POU6F2: variants seen among roughly 807,000 people sequenced by gnomAD.
POU6F2 encodes POU domain, class 6, transcription factor 2.
Under a neutral mutation model 71.3 loss-of-function variants are expected in POU6F2, and 31 were observed. The ratio of observed to expected loss-of-function variants is 0.43; its 90% CI spans 0.33 to 0.59. POU6F2 has a LOEUF of 0.59. Among genes scored for constraint, POU6F2 ranks in the 20% least tolerant of loss-of-function variants. The pLI, the probability that POU6F2 is intolerant of heterozygous loss-of-function variation, is 0.04. For missense variants in POU6F2, 783 were observed against 856.8 expected (o/e 0.91, Z 1.07); for synonymous variants, 347 against 355.7 (o/e 0.98, Z 0.27).
intron 5 of POU6F2, among the ~76,000 whole-genome samples, chr7:39,340,571 C>T (rs762873194): frequency 6.6e-6 from 1 of 152,264 alleles, no homozygotes; most frequent in Non-Finnish European, 1.5e-5. Context: ...ACTCCACAGA[C>T]TAACAAGTAC....
intron 5 of POU6F2, among the ~76,000 whole-genome samples, chr7:39,370,989 C>T (rs963963950): frequency 6.6e-5 from 10 of 152,200 alleles, no homozygotes; most frequent in Admixed American, 5.9e-4. Context: ...TTCTGCTTCT[C>T]TGGAGAACCC....
chr7:39,039,185 C>T (rs1185948924), intron 1 of POU6F2, among the ~76,000 whole-genome samples: 6 of 151,882 alleles, frequency 4.0e-5, no homozygotes, highest in Middle Eastern at 3.2e-3. Flanking sequence ...CTGATTTTCT[C>T]GACATTTCTC....
chr7:39,383,588 A>G (rs1786873398), intron 5 of POU6F2, among the ~76,000 whole-genome samples: 1 of 152,216 alleles, frequency 6.6e-6, no homozygotes, highest in Non-Finnish European at 1.5e-5. Flanking sequence ...TATTAAAATC[A>G]GCACTGAGTT....
chr7:38,998,643 G>A (rs1013721333), intron 1 of POU6F2, among the ~76,000 whole-genome samples: 1 of 148,088 alleles, frequency 6.8e-6, no homozygotes, highest in South Asian at 2.1e-4. Flanking sequence ...GATATTCTTG[G>A]TGTTAATCAC....
chr7:39,169,086 T>C (rs1793167494), intron 2 of POU6F2, among the ~76,000 whole-genome samples: 1 of 152,234 alleles, frequency 6.6e-6, no homozygotes, highest in Non-Finnish European at 1.5e-5. Context: ...ATTTTGATAG[T>C]ATTCTATGAC....
intron 2 of POU6F2, among the ~76,000 whole-genome samples, chr7:39,175,958 C>T (rs556606553): frequency 6.6e-6 from 1 of 152,284 alleles, no homozygotes; most frequent in African/African-American, 2.4e-5. Flanking sequence ...GGAAGACTGG[C>T]CCATGGCTGC....
intron 1 of POU6F2, among the ~76,000 whole-genome samples, chr7:38,990,341 G>A (rs1210913560): frequency 2.0e-5 from 3 of 152,070 alleles, no homozygotes; most frequent in Admixed American, 1.3e-4. Context: ...CTGTCAAATG[G>A]CATTTTAAAC....
At chr7:39,293,441 T>G (rs1241069332) in intron 4 of POU6F2, among the ~76,000 whole-genome samples, 1 of 152,240 alleles carries the variant, frequency 6.6e-6, no homozygotes, top group Non-Finnish European at 1.5e-5. Flanking sequence ...ATTCATATAA[T>G]AAGGCCGCTT....
At chr7:39,101,355 G>T (rs551068112) in intron 2 of POU6F2, among the ~76,000 whole-genome samples, 6 of 151,984 alleles carry the variant, frequency 3.9e-5, no homozygotes, top group Non-Finnish European at 7.4e-5. Context: ...GATCATAAGC[G>T]TGAGCCGCCA....
At chr7:39,035,685 GT>G (rs1393810807) in intron 1 of POU6F2, among the ~76,000 whole-genome samples, 1 of 151,354 alleles carries the variant, frequency 6.6e-6, no homozygotes, top group Non-Finnish European at 1.5e-5. Context: ...CTTCCATTAA[GT>G]TGAAACACAT....
At chr7:39,048,802 G>T (rs987653521) in intron 1 of POU6F2, among the ~76,000 whole-genome samples, 1 of 151,962 alleles carries the variant, frequency 6.6e-6, no homozygotes, top group African/African-American at 2.4e-5. Context: ...CACCAGCAGT[G>T]TATGAGCCGT....
intron 4 of POU6F2, among the ~76,000 whole-genome samples, chr7:39,310,469 T>C (rs894293520): frequency 5.9e-5 from 9 of 152,222 alleles, no homozygotes; most frequent in African/African-American, 2.2e-4. Context: ...GACCCTCATT[T>C]TCCCAACCAG....
chr7:39,153,755 T>C (rs1197714932), intron 2 of POU6F2, among the ~76,000 whole-genome samples: 1 of 152,160 alleles, frequency 6.6e-6, no homozygotes, highest in Non-Finnish European at 1.5e-5. Flanking sequence ...AGAGTAGGAA[T>C]GTAAAAATCA....
chr7:39,192,627 A>G lies in POU6F2; in HGVS notation c.278-11608A>G, dbSNP rs1301814585. Among the ~76,000 whole-genome samples, 8 of 152,194 alleles carry G rather than the reference A, an allele frequency of 5.3e-5. No individual in the cohort carries two copies. The South Asian group carries it at 1.7e-3, about 32-fold the overall frequency. The stretch of plus-strand genomic sequence containing the variant: ...TATGGGAGCAGCTCTTCCTGCTGTG[A>G]ACCTCTTCCTTGGGCATCCTCCCAG... On this transcript the variant is annotated intron_variant, in intron 2 of 9. Transcript: ENST00000518318.
chr7:39,125,441 A>G (rs1449520452), intron 2 of POU6F2, among the ~76,000 whole-genome samples: 2 of 152,150 alleles, frequency 1.3e-5, no homozygotes, highest in African/African-American at 2.4e-5. Flanking sequence ...ACCAGTACTA[A>G]TCTGTAACCT....
chr7:38,999,977 A>G (rs1016559646), intron 1 of POU6F2, among the ~76,000 whole-genome samples: 9 of 152,198 alleles, frequency 5.9e-5, no homozygotes, highest in Non-Finnish European at 1.2e-4. Context: ...AGTAGGTACT[A>G]AAACTTTTTA....
chr7:39,037,434 T>A (rs1790090831), intron 1 of POU6F2, among the ~76,000 whole-genome samples: 1 of 152,062 alleles, frequency 6.6e-6, no homozygotes. Flanking sequence ...GACAAACTGC[T>A]CATGAGCCAT....
chr7:39,011,327 C>G (rs907173522), intron 1 of POU6F2, among the ~76,000 whole-genome samples: 33 of 151,652 alleles, frequency 2.2e-4, no homozygotes, highest in Non-Finnish European at 4.1e-4. Context: ...TCTGTTTTAT[C>G]AGAGACTAGG....
chr7:39,021,378 C>G (rs868316178), intron 1 of POU6F2, among the ~76,000 whole-genome samples: 1 of 151,422 alleles, frequency 6.6e-6, no homozygotes, highest in African/African-American at 2.4e-5. Flanking sequence ...AATTTTTTTT[C>G]TAATGGCAAG....
Sources: gnomAD v4.1 joint callset for allele counts (sites outside exome capture counted in the v4.1 genomes callset) on GRCh38, gnomAD v4.1.1 for gene constraint, MANE v1.5 for transcripts, NCBI Gene and HGNC (gene_info 2026-07-23, HGNC 2026-07-21) for gene names.